Variants in NELFB observed in about 807,000 individuals in gnomAD.
NELFB encodes negative elongation factor complex member B, also known as negative elongation factor B.
A neutral mutation model predicts 60.2 loss-of-function variants in NELFB; 34 were observed. The observed-to-expected ratio is 0.56, with a 90% confidence interval of 0.43 to 0.75. NELFB has a LOEUF of 0.75. Ranked by LOEUF, NELFB falls within the 30% of genes least tolerant of loss-of-function variation. The pLI, the probability that NELFB is intolerant of heterozygous loss-of-function variation, is 0.00. For synonymous variants in NELFB, 459 were observed against 382.1 expected (o/e 1.20, Z -2.35); for missense variants, 770 against 831.6 (o/e 0.93, Z 0.91).
At chr9:137,266,806 C>G in intron 8 of NELFB, 138 bp from the exon 9 acceptor site, 1 of 1,006,858 alleles carries the variant, frequency 9.9e-7, no homozygotes, top group South Asian at 1.6e-5. Context: ...GGAAGAGGGA[C>G]CTGGGGACCT....
intron 5 of NELFB, among the ~76,000 whole-genome samples, chr9:137,263,544 C>T (rs917398325): frequency 4.0e-5 from 6 of 149,772 alleles, no homozygotes; most frequent in African/African-American, 1.2e-4. Context: ...CTCTCCTCTC[C>T]GTGGGTTTGG....
In NELFB at chr9:137,263,023, G is replaced by A; in HGVS notation, c.742-14G>A. ...CAGGACGGTCTGGGGGCCTGACAGT[G>A]CCTCTTGCTGCAGGTGGTGCAGCGG... On this transcript the variant is annotated splice_polypyrimidine_tract_variant and intron_variant, in intron 4 of 12. Transcript: ENST00000343053. 1 of 1,608,248 alleles carries A rather than the reference G, an allele frequency of 6.2e-7. No individual in the cohort carries two copies. Among genetic ancestry groups the A allele is most frequent in the Non-Finnish European group, 8.5e-7 (1 of 1,175,306 alleles).
At chr9:137,258,565 C>T (rs757331447) in intron 4 of NELFB, among the ~76,000 whole-genome samples, 15 of 151,456 alleles carry the variant, frequency 9.9e-5, no homozygotes, top group Non-Finnish European at 1.8e-4. Context: ...TCTCCTGCCT[C>T]GGCCTCTCGA....
rs200528050 is a variant in NELFB, at chr9:137,267,235, C to T, written c.1383-5C>T. ...GAGGTGGGGCTGATGGCGCCCCGGG[C>T]GCAGGTTTCTGCAGGAGCAGCGCAT... On this transcript the variant is annotated splice_region_variant and splice_polypyrimidine_tract_variant and intron_variant, in intron 9 of 12. Transcript: ENST00000343053. The T allele has an allele frequency of 1.1e-5, 18 of 1,610,548 alleles. No homozygotes were observed. The highest frequency in any genetic ancestry group is 4.0e-5 in the African/African-American group (3 of 74,918).
intron 5 of NELFB, 124 bp from the exon 6 acceptor site, chr9:137,264,121 G>C: frequency 5.8e-6 from 4 of 691,926 alleles, no homozygotes; most frequent in Non-Finnish European, 9.9e-6. Context: ...ACTGGTGCCT[G>C]CTGCCGCCCC....
At chr9:137,259,622 C>T (rs1018343611) in intron 4 of NELFB, among the ~76,000 whole-genome samples, 3 of 151,562 alleles carry the variant, frequency 2.0e-5, no homozygotes, top group Admixed American at 6.6e-5. Flanking sequence ...TCGGCTTAGT[C>T]CTAGGTTGAT....
rs371900282 is a variant in NELFB, at chr9:137,264,366, C to T, written c.1040+9C>T. ...CAGGAGCAGGTGCTGGGGTGAGGGT[C>T]GGCTCCACGAGGCCTCTGCCCCTCA... On this transcript the variant is annotated intron_variant, in intron 6 of 12. Coordinates refer to ENST00000343053, the MANE Select transcript of NELFB (RefSeq NM_015456.5). The T allele has an allele frequency of 2.3e-5, 36 of 1,567,954 alleles. No homozygotes were observed. Among genetic ancestry groups the T allele is most frequent in the African/African-American group, 1.1e-4 (8 of 74,270 alleles).
Position 137,266,008 on chromosome 9 carries a change from G to A in NELFB, c.1143+29G>A, listed in dbSNP as rs200628819. The A allele has an allele frequency of 2.6e-4, 396 of 1,524,392 alleles. 1 individual carries two copies. The African/African-American group carries it at 3.8e-3, about 15-fold the overall frequency. 94.4% of individuals were successfully genotyped at this position (1,524,392 alleles called of 1,614,324 possible). A position where few individuals can be genotyped will look rare whatever the true frequency, so the allele number is the denominator to read the frequency against. On this transcript the variant is annotated intron_variant, in intron 7 of 12. Transcript: ENST00000343053. Reference sequence around the variant, plus strand: ...AGTGTGGGCTTGGCCAGCAGCTGTCGGGGCCATGCGGCCACTCCGCTGGCT... The same window carrying A: ...AGTGTGGGCTTGGCCAGCAGCTGTCAGGGCCATGCGGCCACTCCGCTGGCT...
At position 137,272,918 on chromosome 9, in the gene NELFB, C is replaced by G; in HGVS notation, c.1877C>G (p.Ala626Gly). ...CCCCTCCCCAGCGTGCCCGCCCCTG[C>G]CCCGCTCTGAGGGCCCTCCAGACCT... Residue 626 changes from alanine to glycine, a missense_variant, in exon 13 of 13, where the codon GCC (alanine) becomes GGC (glycine). Physicochemically the swap from Ala to Gly is moderately conservative, Grantham distance 60 (BLOSUM62 0). Coordinates refer to ENST00000343053, the MANE Select transcript of NELFB (RefSeq NM_015456.5). 1 of 1,533,334 alleles carries G rather than the reference C, an allele frequency of 6.5e-7. No individual in the cohort carries two copies. Among genetic ancestry groups the G allele is most frequent in the South Asian group, 1.2e-5 (1 of 82,220 alleles). The allele number at this position is 1,533,334 out of a possible 1,614,324, so 95.0% of individuals were successfully genotyped here.
rs774606208 is a variant in NELFB, at chr9:137,265,961, C to T, written c.1125C>T (p.Gly375=). ...TCAGGCACCTGCAGGAGCTGGTCGG[C>T]CAGGAGACACTGCCCAGGGTGAGTG... The change falls in exon 7 of 13, where the codon GGC becomes GGT. Residue 375 remains glycine (G), a synonymous_variant. Coordinates refer to ENST00000343053, the MANE Select transcript of NELFB (RefSeq NM_015456.5). 3.7e-6 allele frequency: 6 copies of T among 1,612,318 alleles called. No homozygotes were observed. The Admixed American group carries it at 1.0e-4, about 27-fold the overall frequency.
At position 137,256,568 on chromosome 9, in the gene NELFB, G is replaced by A. The variant is rs1022608256; in HGVS notation, c.510+140G>A. 4.9e-6 allele frequency: 4 copies of A among 815,948 alleles called. No individual in the cohort carries two copies. The African/African-American group carries it at 5.1e-5, about 10-fold the overall frequency. 50.5% of individuals were successfully genotyped at this position (815,948 alleles called of 1,614,324 possible). A position where few individuals can be genotyped will look rare whatever the true frequency, so the allele number is the denominator to read the frequency against. ...AAGTGCTGTCCATGGTGAGCTCTGT[G>A]CTGACTTCTCCCACATGAGCCGCGT... On this transcript the variant is annotated intron_variant, in intron 3 of 12. Transcript: ENST00000343053.
At position 137,266,379 on chromosome 9, in the gene NELFB, G is replaced by A; in HGVS notation, c.1192G>A (p.Gly398Arg). The change falls in exon 8 of 13, where the codon GGA becomes AGA. Residue 398 changes from glycine (G) to arginine (R), a missense_variant. Physicochemically the swap from Gly to Arg is moderately radical, Grantham distance 125. Transcript: ENST00000343053. ...GCTCCGGCTGCTGGCGCTGGGCCAG[G>A]GAGCCTGGGACATGATCGACAGCCA... The A allele has an allele frequency of 1.2e-6, 2 of 1,612,976 alleles. No homozygotes were observed. The highest frequency in any genetic ancestry group is 1.7e-6 in the Non-Finnish European group (2 of 1,179,988).
chr9:137,263,519 T>C (rs1173882031), intron 5 of NELFB, among the ~76,000 whole-genome samples: 1 of 123,684 alleles, frequency 8.1e-6, no homozygotes, highest in Non-Finnish European at 1.6e-5. Flanking sequence ...TCCTTCCCCC[T>C]GGCCCTCCTG....
In NELFB at chr9:137,262,638, G is replaced by C. The variant is rs190751959; in HGVS notation, c.742-399G>C. Among the ~76,000 whole-genome samples, 6 of 152,260 alleles carry C rather than the reference G, an allele frequency of 3.9e-5. No individual in the cohort carries two copies. The East Asian group carries it at 1.2e-3, about 29-fold the overall frequency. ...ATATTTTGTTATACTGGAACAGCTC[G>C]TGCCCTTGGTCTCTTGCCTTGGCAC... On this transcript the variant is annotated intron_variant, in intron 4 of 12. Transcript: ENST00000343053.
At chr9:137,263,324 G>GC (rs1184020365) in intron 5 of NELFB, 102 bp downstream of exon 5, 7 of 989,612 alleles carry the variant, frequency 7.1e-6, no homozygotes, top group South Asian at 1.6e-5. Flanking sequence ...TTCCCCCACT[G>GC]CCCTCCTGAA....
chr9:137,268,685 T>TCG (rs1254024464), intron 10 of NELFB, among the ~76,000 whole-genome samples: 4 of 151,782 alleles, frequency 2.6e-5, no homozygotes, highest in Admixed American at 1.3e-4. Flanking sequence ...TGCTGTGTCA[T>TCG]CCCATGGTGG....
intron 1 of NELFB, 139 bp downstream of exon 1, chr9:137,255,750 C>A: frequency 7.0e-7 from 1 of 1,436,432 alleles, no homozygotes; most frequent in Non-Finnish European, 9.5e-7. Context: ...GAGTCCGGAG[C>A]CAGCACCCCT....
intron 10 of NELFB, 55 bp downstream of exon 10, chr9:137,267,401 GCAGTCCTGCCCAGGGTGCGGGCCC>G: frequency 6.6e-7 from 1 of 1,519,408 alleles, no homozygotes; most frequent in Non-Finnish European, 8.9e-7. Context: ...GCTGCCGTAT[GCAGTCCTGCCCAGGGTGCGGGCCC>G]CAGGGCCCCC....
rs756269892 is a variant in NELFB at position 137,272,142 on chromosome 9, T to C, written c.1551T>C (p.Leu517=). The C allele has an allele frequency of 4.6e-5, 75 of 1,614,088 alleles. No homozygotes were observed. Among genetic ancestry groups the C allele is most frequent in the Middle Eastern group, 3.3e-4 (2 of 6,084 alleles). The change falls in exon 11 of 13, where the codon CTT becomes CTC. Residue 517 remains leucine, a synonymous_variant. Transcript: ENST00000343053. ...TCCTCCACCTGCTCACGGGCAACCT[T>C]GCGCTGCTGGCCGACGAATTTGCCC...
Sources: gnomAD v4.1 joint callset for allele counts (sites outside exome capture counted in the v4.1 genomes callset) on GRCh38, gnomAD v4.1.1 for gene constraint, MANE v1.5 for transcripts, NCBI Gene and HGNC (gene_info 2026-07-23, HGNC 2026-07-21) for gene names.